The following NAV3 variants were observed in gnomAD, a reference collection of about 807,000 sequenced individuals.
The protein encoded by NAV3 is pore membrane and/or filament interacting like protein 1.
In NAV3, 87 loss-of-function variants were observed where a neutral mutation model predicts 244.7. That is an observed-to-expected ratio of 0.36 (90% CI 0.30 to 0.42). The LOEUF (loss-of-function observed/expected upper bound fraction) is 0.42. Ranked by LOEUF, NAV3 falls within the 20% of genes least tolerant of loss-of-function variation. The probability of loss-of-function intolerance (pLI) is 1.00; values close to 1 mark genes in which losing one functional copy is unlikely to be tolerated. For synonymous variants in NAV3, 1,126 were observed against 1,042.2 expected (o/e 1.08, Z -1.55); for missense variants, 2,663 against 2,893.3 (o/e 0.92, Z 1.83).
intron 28 of NAV3, among the ~76,000 whole-genome samples, chr12:78,178,070 A>G (rs1395241893): frequency 6.6e-6 from 1 of 151,986 alleles, no homozygotes; most frequent in Non-Finnish European, 1.5e-5. Context: ...ATTAGGCACA[A>G]TAAGTGATTA....
In NAV3 at chr12:77,831,406, C is replaced by A. The variant is rs17195772; in HGVS notation, c.-56C>A. The A allele has an allele frequency of 0.23, 344,369 of 1,510,544 alleles. 41,233 individuals are homozygous for A. Among genetic ancestry groups the A allele is most frequent in the Middle Eastern group, 0.27 (1,512 of 5,600 alleles). 93.6% of individuals were successfully genotyped at this position (1,510,544 alleles called of 1,614,324 possible). A position where few individuals can be genotyped will look rare whatever the true frequency, so the allele number is the denominator to read the frequency against. On this transcript the variant is annotated 5_prime_UTR_variant, in exon 1 of 40. Coordinates refer to ENST00000397909, the MANE Select transcript of NAV3 (RefSeq NM_001024383.2). ...TGGAAATACTAAAGTTGGAGTCTACCAGACTGAGGTTAGAAGCATTTTCTT... is the reference window on the plus strand; with the variant it reads ...TGGAAATACTAAAGTTGGAGTCTACAAGACTGAGGTTAGAAGCATTTTCTT...
chr12:78,129,481 A>G (rs1027033200), intron 18 of NAV3, among the ~76,000 whole-genome samples: 8 of 152,170 alleles, frequency 5.3e-5, no homozygotes, highest in Admixed American at 3.9e-4. Flanking sequence ...ATAAATTACC[A>G]ACTTAGTCAT....
intron 12 of NAV3, among the ~76,000 whole-genome samples, chr12:78,095,277 T>G (rs1245764051): frequency 6.6e-6 from 1 of 152,084 alleles, no homozygotes; most frequent in East Asian, 1.9e-4. Flanking sequence ...ATGAGATAAC[T>G]AATTTCTGAA....
chr12:77,641,660 T>C (rs908306515), intron 2 of NAV3, among the ~76,000 whole-genome samples: 1 of 152,136 alleles, frequency 6.6e-6, no homozygotes, highest in African/African-American at 2.4e-5. Flanking sequence ...TCCTGGCTTC[T>C]ATTTCATGGG....
chr12:77,768,972 A>C (rs918442719), intron 2 of NAV3, among the ~76,000 whole-genome samples: 2 of 152,266 alleles, frequency 1.3e-5, no homozygotes, highest in African/African-American at 4.8e-5. Flanking sequence ...AAAAAATAAT[A>C]GCACTTAGTG....
chr12:78,081,777 A>C (rs1357302515), intron 12 of NAV3, among the ~76,000 whole-genome samples: 2 of 152,156 alleles, frequency 1.3e-5, no homozygotes, highest in African/African-American at 4.8e-5. Flanking sequence ...TGAGCCTTCC[A>C]CACTCAAGTG....
chr12:77,968,841 T>A lies in NAV3; in HGVS notation c.671+139T>A, dbSNP rs991444408. On this transcript the variant is annotated intron_variant, in intron 5 of 39. Coordinates refer to ENST00000397909, the MANE Select transcript of NAV3 (RefSeq NM_001024383.2). ...TGATGGGATTATTTGACTTGTGTAA[T>A]AGAAACTAAAACCACTCTTGTTTTG... The A allele has an allele frequency of 4.8e-6, 4 of 827,052 alleles. No homozygotes were observed. In the African/African-American group the frequency reaches 6.9e-5, roughly 14 times the overall value. The allele number at this position is 827,052 out of a possible 1,614,324, so 51.2% of individuals were successfully genotyped here.
At position 77,615,030 on chromosome 12, in the gene NAV3, A is replaced by G. The variant is rs140228823; in HGVS notation, c.72+42764A>G. Reference sequence around the variant, plus strand: ...AGATAGCTAGGTGATGAAGTATGGCAAGGACATCACATGCAGATGTTGCTT... The same window carrying G: ...AGATAGCTAGGTGATGAAGTATGGCGAGGACATCACATGCAGATGTTGCTT... On this transcript the variant is annotated intron_variant, in intron 2 of 8. Transcript: ENST00000550042. 3.1e-3 allele frequency among the ~76,000 whole-genome samples: 474 copies of G among 152,292 alleles called. 1 individual carries two copies. The highest frequency in any genetic ancestry group is 0.011 in the African/African-American group (463 of 41,562).
At chr12:78,094,791 G>A (rs989264810) in intron 12 of NAV3, among the ~76,000 whole-genome samples, 2 of 151,926 alleles carry the variant, frequency 1.3e-5, no homozygotes, top group Admixed American at 6.6e-5. Flanking sequence ...GCTCATGCCT[G>A]TAATCCCAGC....
chr12:77,961,105 T>C lies in NAV3; in HGVS notation c.415-5124T>C, dbSNP rs575442460. ...TATGTATATGTTACATGTATACGCATATATGTAATATAATAAATATATACT... is the reference window on the plus strand; with the variant it reads ...TATGTATATGTTACATGTATACGCACATATGTAATATAATAAATATATACT... On this transcript the variant is annotated intron_variant, in intron 3 of 39. Transcript: ENST00000397909. Among the ~76,000 whole-genome samples the C allele has an allele frequency of 6.8e-5, 10 of 146,140 alleles. No homozygotes were observed. The East Asian group carries it at 1.7e-3, about 24-fold the overall frequency.
At chr12:77,949,041 T>A (rs1890629747) in intron 3 of NAV3, among the ~76,000 whole-genome samples, 1 of 151,994 alleles carries the variant, frequency 6.6e-6, no homozygotes, top group Admixed American at 6.6e-5. Flanking sequence ...ATGAATTCAG[T>A]TAAAAACTGA....
chr12:77,822,133 T>G (rs1401975847), intron 2 of NAV3, among the ~76,000 whole-genome samples: 1 of 152,214 alleles, frequency 6.6e-6, no homozygotes, highest in African/African-American at 2.4e-5. Flanking sequence ...AGAGACCCTC[T>G]GAATTTGATA....
At chr12:77,707,582 T>G (rs1201993361) in intron 2 of NAV3, among the ~76,000 whole-genome samples, 1 of 152,186 alleles carries the variant, frequency 6.6e-6, no homozygotes, top group Non-Finnish European at 1.5e-5. Flanking sequence ...TGCCCAGTAA[T>G]GGGATGGCTG....
chr12:78,014,062 T>A (rs1875766704), intron 8 of NAV3, among the ~76,000 whole-genome samples: 1 of 152,042 alleles, frequency 6.6e-6, no homozygotes, highest in South Asian at 2.1e-4. Context: ...GTTAATTACA[T>A]CACAACTATA....
intron 2 of NAV3, among the ~76,000 whole-genome samples, chr12:77,709,405 C>T (rs902077003): frequency 3.3e-5 from 5 of 152,106 alleles, no homozygotes; most frequent in Non-Finnish European, 2.9e-5. Context: ...GACAGGGATG[C>T]CCTCTCTCAC....
At chr12:77,879,124 G>A (rs1342899035) in intron 1 of NAV3, among the ~76,000 whole-genome samples, 3 of 152,116 alleles carry the variant, frequency 2.0e-5, no homozygotes, top group Admixed American at 6.6e-5. Flanking sequence ...AGCTGCTGCT[G>A]CAAGAACTAT....
chr12:78,195,157 T>C (rs1298287717), intron 34 of NAV3, among the ~76,000 whole-genome samples: 1 of 151,984 alleles, frequency 6.6e-6, no homozygotes, highest in Non-Finnish European at 1.5e-5. Flanking sequence ...CAAACAAACA[T>C]ATCAATGTTC....
In NAV3 at chr12:78,205,013, C is replaced by T; in HGVS notation, c.6913C>T (p.Pro2305Ser). The T allele has an allele frequency of 6.2e-7, 1 of 1,613,568 alleles. No individual in the cohort carries two copies. The highest frequency in any genetic ancestry group is 1.1e-5 in the South Asian group (1 of 91,070). The change falls in exon 39 of 40, where the codon CCT becomes TCT. Residue 2305 changes from proline (P) to serine (S), a missense_variant. By Grantham distance (74) the Pro-to-Ser change is moderately conservative (BLOSUM62 -1). Coordinates refer to ENST00000397909, the MANE Select transcript of NAV3 (RefSeq NM_001024383.2). The part of the protein sequence containing the change: ...DTYPWSSATL[P>S]QESPALLQLR... ...ATATCCATGGAGCTCAGCAACTCTG[C>T]CTCAGGAGAGCCCAGCCTTACTTCA...
intron 2 of NAV3, among the ~76,000 whole-genome samples, chr12:77,736,235 A>G (rs1171430760): frequency 6.6e-6 from 1 of 152,222 alleles, no homozygotes; most frequent in Non-Finnish European, 1.5e-5. Context: ...ATTCTAGCGA[A>G]GGTCAATGTA....
Sources: allele counts gnomAD v4.1 joint callset (sites outside exome capture counted in the v4.1 genomes callset), GRCh38; gene constraint gnomAD v4.1.1; transcripts MANE v1.5; gene names NCBI Gene and HGNC (gene_info 2026-07-23, HGNC 2026-07-21).